Variants in CCDC141 observed in about 807,000 individuals in gnomAD.
CCDC141 encodes the protein coiled-coil domain containing 141.
CCDC141 carries 168 observed loss-of-function variants against 181.0 expected under a neutral mutation model. The ratio of observed to expected loss-of-function variants is 0.93; its 90% CI spans 0.82 to 1.05. The LOEUF (loss-of-function observed/expected upper bound fraction) is 1.05, where lower values mean the gene tolerates loss of function less well. CCDC141 is among the 50% of genes least tolerant of loss of function. CCDC141 has a pLI of 0.00. For missense variants in CCDC141, 1,902 were observed against 1,788.5 expected (o/e 1.06, Z -1.14); for synonymous variants, 666 against 642.3 (o/e 1.04, Z -0.56).
intron 14 of CCDC141, 134 bp from the exon 15 acceptor site, chr2:178,869,439 T>C: frequency 1.6e-6 from 1 of 608,668 alleles, no homozygotes; most frequent in Non-Finnish European, 2.6e-6. Context: ...GCCCCCACCC[T>C]CCAAAATATT....
intron 2 of CCDC141, among the ~76,000 whole-genome samples, chr2:179,017,382 T>C (rs2154385400): frequency 6.6e-6 from 1 of 152,288 alleles, no homozygotes; most frequent in Non-Finnish European, 1.5e-5. Flanking sequence ...AGATGCTTTA[T>C]AGGGGTGTAT....
At chr2:178,981,636 GTA>G (rs1193430874) in intron 2 of CCDC141, among the ~76,000 whole-genome samples, 20 of 62,394 alleles carry the variant, frequency 3.2e-4, no homozygotes, top group East Asian at 1.3e-3. Flanking sequence ...GTGTGTGTGT[GTA>G]TATATATATA....
intron 12 of CCDC141, 60 bp from the exon 13 acceptor site, chr2:178,872,372 G>T (rs908475510): frequency 2.4e-5 from 34 of 1,430,500 alleles, no homozygotes; most frequent in Non-Finnish European, 3.1e-5. Flanking sequence ...GCTTTTTGTT[G>T]TATATAACTA....
intron 2 of CCDC141, among the ~76,000 whole-genome samples, chr2:179,039,284 A>C (rs527848670): frequency 2.8e-4 from 43 of 152,102 alleles, no homozygotes; most frequent in Non-Finnish European, 4.3e-4. Context: ...AAAAATTCTC[A>C]GTTTTCGGAA....
intron 8 of CCDC141, among the ~76,000 whole-genome samples, chr2:178,894,729 A>C (rs140617860): frequency 2.9e-3 from 438 of 152,250 alleles, no homozygotes; most frequent in African/African-American, 9.5e-3. Context: ...GAGTTAAAAT[A>C]GTGAAAAAAT....
At chr2:178,871,293 A>G in intron 14 of CCDC141, 134 bp downstream of exon 14, 1 of 1,078,406 alleles carries the variant, frequency 9.3e-7, no homozygotes. Context: ...TCTACAGTGG[A>G]TTTTTAGACA....
At chr2:178,991,777 AT>A (rs1477141709) in intron 2 of CCDC141, among the ~76,000 whole-genome samples, 2 of 152,094 alleles carry the variant, frequency 1.3e-5, no homozygotes, top group Non-Finnish European at 2.9e-5. Flanking sequence ...ATGTACCAAA[AT>A]ATCACATGTA....
intron 2 of CCDC141, among the ~76,000 whole-genome samples, chr2:179,013,749 C>T (rs572110640): frequency 1.3e-4 from 20 of 151,862 alleles, no homozygotes; most frequent in South Asian, 6.3e-4. Flanking sequence ...AGGTGGATCA[C>T]GAGGTCAGGA....
chr2:178,988,750 C>T (rs1406605557), intron 2 of CCDC141, among the ~76,000 whole-genome samples: 1 of 152,044 alleles, frequency 6.6e-6, no homozygotes, highest in African/African-American at 2.4e-5. Context: ...TTCTAAACTT[C>T]AAAACTTACT....
chr2:178,993,851 A>T (rs1394691575), intron 2 of CCDC141, among the ~76,000 whole-genome samples: 1 of 152,218 alleles, frequency 6.6e-6, no homozygotes, highest in Non-Finnish European at 1.5e-5. Flanking sequence ...TAAAGGGGCT[A>T]CAGGCCCCAT....
chr2:178,881,177 G>T (rs938546132), intron 11 of CCDC141, among the ~76,000 whole-genome samples: 4 of 149,708 alleles, frequency 2.7e-5, no homozygotes, highest in African/African-American at 9.7e-5. Flanking sequence ...AAGTAGACAG[G>T]ATTATTCCAC....
chr2:178,885,056 T>A lies in CCDC141; in HGVS notation c.1564A>T (p.Met522Leu). 6.5e-7 allele frequency: 1 copy of A among 1,550,316 alleles called. No homozygotes were observed. The highest frequency in any genetic ancestry group is 8.7e-7 in the Non-Finnish European group (1 of 1,146,770). ...GATACAAATTCATTTTTCTCCATCATGGTTTTTGCAGCTGCTTCTAATTCA... is the reference window on the plus strand; with the variant it reads ...GATACAAATTCATTTTTCTCCATCAAGGTTTTTGCAGCTGCTTCTAATTCA... Reference protein sequence around the residue: ...SHELEAAAKTMMEKNEFVSDE... With the variant: ...SHELEAAAKTLMEKNEFVSDE... The change falls in exon 11 of 24, where the codon ATG (methionine) becomes TTG (leucine). Residue 522 changes from methionine to leucine, a missense_variant. Physicochemically the swap from Met to Leu is conservative, Grantham distance 15. Transcript: ENST00000443758.
At chr2:178,826,395 T>G (rs1684125853), downstream of CCDC141, among the ~76,000 whole-genome samples, 1 of 152,192 alleles carries the variant, frequency 6.6e-6, no homozygotes, top group Non-Finnish European at 1.5e-5. Context: ...TCATTTCTTG[T>G]AATACCTTTA....
chr2:178,839,166 C>T (rs1357149998), intron 22 of CCDC141, among the ~76,000 whole-genome samples: 1 of 152,144 alleles, frequency 6.6e-6, no homozygotes, highest in Non-Finnish European at 1.5e-5. Flanking sequence ...GTAATCCCAG[C>T]ACTTTGGGAG....
rs182902175 is a variant in CCDC141 at position 178,938,231 on chromosome 2, A to G, written c.897+6304T>C. Reference sequence around the variant, plus strand: ...GGAGAACACTAAATGTTGGGCATTTAGTTCTATGAATTTCCCTCTTCACAC... The same window carrying G: ...GGAGAACACTAAATGTTGGGCATTTGGTTCTATGAATTTCCCTCTTCACAC... On this transcript the variant is annotated intron_variant, in intron 6 of 23. Coordinates refer to ENST00000443758, the MANE Select transcript of CCDC141 (RefSeq NM_173648.4). 1.8e-3 allele frequency among the ~76,000 whole-genome samples: 271 copies of G among 152,276 alleles called. 5 individuals carry two copies. In the South Asian group the frequency reaches 0.023, roughly 13 times the overall value.
intron 6 of CCDC141, among the ~76,000 whole-genome samples, chr2:178,940,065 T>C (rs1218870752): frequency 6.6e-6 from 1 of 152,120 alleles, no homozygotes; most frequent in Non-Finnish European, 1.5e-5. Context: ...ATTAGATAGG[T>C]AAAACAGAAA....
rs1187780861 is a variant in CCDC141, at chr2:178,945,470, G to A, written c.781-819C>T. Among the ~76,000 whole-genome samples the A allele has an allele frequency of 2.0e-5, 3 of 152,116 alleles. No homozygotes were observed. In the East Asian group the frequency reaches 5.8e-4, roughly 29 times the overall value. ...TCATCATTTTAGAGATGCGGTAACT[G>A]AGTTTTGAAGAGGCAGCTTATCCAC... On this transcript the variant is annotated intron_variant, in intron 5 of 23. Transcript: ENST00000443758.
intron 2 of CCDC141, among the ~76,000 whole-genome samples, chr2:179,031,511 C>T (rs1323898480): frequency 8.6e-5 from 13 of 151,578 alleles, no homozygotes; most frequent in Non-Finnish European, 1.9e-4. Flanking sequence ...TCATTTTTTC[C>T]ATCATTCTGC....
chr2:178,894,531 A>G (rs562598612), intron 8 of CCDC141, among the ~76,000 whole-genome samples: 104 of 152,246 alleles, frequency 6.8e-4, no homozygotes, highest in African/African-American at 2.5e-3. Flanking sequence ...CCCAACACCC[A>G]CAATAAAAGA....
Sources: allele counts gnomAD v4.1 joint callset (sites outside exome capture counted in the v4.1 genomes callset), GRCh38; gene constraint gnomAD v4.1.1; transcripts MANE v1.5; gene names NCBI Gene and HGNC (gene_info 2026-07-23, HGNC 2026-07-21).